Variants in LIN52 observed in about 807,000 individuals in gnomAD.
LIN52 encodes the protein lin-52 DREAM MuvB core complex component.
A neutral mutation model predicts 18.5 loss-of-function variants in LIN52; 4 were observed. The ratio of observed to expected loss-of-function variants is 0.22; its 90% CI spans 0.11 to 0.49. The LOEUF is 0.49. Ranked by LOEUF, LIN52 falls within the 20% of genes least tolerant of loss-of-function variation. LIN52 has a pLI of 0.97. For synonymous variants in LIN52, 34 were observed against 45.5 expected, an observed-to-expected ratio of 0.75 and a Z score of 1.02; for missense variants, 102 against 139.5, an observed-to-expected ratio of 0.73 and a Z score of 1.35.
rs181108760 is a variant in LIN52 at position 74,122,877 on chromosome 14, A to G, written c.283+21639A>G. ...AGTGAGACTCTGTCTCAAAAAAACA[A>G]AACAAACAAACAAAAACAAAAACAA... is the stretch of plus-strand genomic sequence containing the variant. On this transcript the variant is annotated intron_variant, in intron 5 of 5. Transcript: ENST00000555028. Among the ~76,000 whole-genome samples the G allele has an allele frequency of 7.0e-3, 987 of 140,210 alleles. 6 individuals are homozygous for G. Among genetic ancestry groups the G allele is most frequent in the South Asian group, 0.018 (64 of 3,494 alleles). 92.0% of individuals were successfully genotyped at this position (140,210 alleles called of 152,430 possible).
chr14:74,091,421 C>A, intron 2 of LIN52, 115 bp downstream of exon 2: 1 of 724,112 alleles, frequency 1.4e-6, no homozygotes, highest in Non-Finnish European at 2.2e-6. Context: ...TGAAGCTAGT[C>A]AAATTTAGCA....
intron 5 of LIN52, among the ~76,000 whole-genome samples, chr14:74,153,096 G>A (rs1217769575): frequency 2.0e-5 from 3 of 151,976 alleles, no homozygotes; most frequent in African/African-American, 2.4e-5. Flanking sequence ...ATCCTAGTGC[G>A]TGCAATTACT....
intron 1 of LIN52, 70 bp from the exon 2 acceptor site, chr14:74,091,162 T>G: frequency 1.8e-6 from 2 of 1,117,590 alleles, no homozygotes; most frequent in Non-Finnish European, 2.7e-6. Flanking sequence ...TTTATGTCCT[T>G]TGAGATTGAA....
chr14:74,112,569 G>A (rs971683744), intron 5 of LIN52, among the ~76,000 whole-genome samples: 3 of 151,964 alleles, frequency 2.0e-5, no homozygotes, highest in African/African-American at 7.3e-5. Context: ...GTTTTCATGT[G>A]GTATCAGGCA....
At chr14:74,128,948 C>G (rs1451512151) in intron 5 of LIN52, among the ~76,000 whole-genome samples, 1 of 151,534 alleles carries the variant, frequency 6.6e-6, no homozygotes, top group Non-Finnish European at 1.5e-5. Context: ...TCTAAAAAAA[C>G]AAAACAAAAC....
intron 5 of LIN52, among the ~76,000 whole-genome samples, chr14:74,145,305 A>G (rs1023876047): frequency 1.3e-5 from 2 of 152,100 alleles, no homozygotes; most frequent in South Asian, 2.1e-4. Flanking sequence ...CAGTTCTTCC[A>G]TATTACTTTT....
intron 5 of LIN52, among the ~76,000 whole-genome samples, chr14:74,184,504 A>G (rs1329931780): frequency 6.6e-6 from 1 of 152,256 alleles, no homozygotes; most frequent in Admixed American, 6.5e-5. Flanking sequence ...AGAATGCTTC[A>G]TAATGGTACT....
intron 5 of LIN52, among the ~76,000 whole-genome samples, chr14:74,188,848 T>C (rs534358292): frequency 5.3e-5 from 8 of 152,320 alleles, no homozygotes; most frequent in African/African-American, 1.9e-4. Context: ...CCAGTGGTTC[T>C]TATCTAAATT....
chr14:74,085,031 T>G, intron 1 of LIN52, 38 bp downstream of exon 1: 1 of 1,366,448 alleles, frequency 7.3e-7, no homozygotes, highest in East Asian at 2.8e-5. Flanking sequence ...TGCAGCCTCC[T>G]TCTTTGCTCT....
intron 5 of LIN52, among the ~76,000 whole-genome samples, chr14:74,101,914 A>G (rs1301507345): frequency 1.3e-5 from 2 of 152,142 alleles, no homozygotes; most frequent in Non-Finnish European, 2.9e-5. Context: ...CTGGGACTAC[A>G]AGCATGTACC....
chr14:74,128,320 G>A lies in LIN52; in HGVS notation c.283+27082G>A, dbSNP rs114935731. ...AGCAGAGTACCGGAGAGGAGAGGGC[G>A]GCACAGAGAAAGAAGAGAGATCCAC... On this transcript the variant is annotated intron_variant, in intron 5 of 5. Coordinates refer to ENST00000555028, the MANE Select transcript of LIN52 (RefSeq NM_001024674.3). Among the ~76,000 whole-genome samples the A allele has an allele frequency of 3.5e-3, 539 of 152,170 alleles. 4 individuals are homozygous for A. The highest frequency in any genetic ancestry group is 0.012 in the African/African-American group (508 of 41,508).
At chr14:74,095,884 T>G (rs940212993) in intron 2 of LIN52, 64 bp from the exon 3 acceptor site, 1 of 1,042,962 alleles carries the variant, frequency 9.6e-7, no homozygotes, top group Admixed American at 2.3e-5. Flanking sequence ...TTCTTATTAT[T>G]TGGATCTTCT....
At chr14:74,125,585 AC>A (rs2061024922) in intron 5 of LIN52, among the ~76,000 whole-genome samples, 1 of 152,090 alleles carries the variant, frequency 6.6e-6, no homozygotes, top group Non-Finnish European at 1.5e-5. Flanking sequence ...AGACACATTC[AC>A]ATGTATGTTT....
chr14:74,143,131 T>C (rs1400366891), intron 5 of LIN52, among the ~76,000 whole-genome samples: 1 of 152,082 alleles, frequency 6.6e-6, no homozygotes, highest in African/African-American at 2.4e-5. Context: ...AAATAGTTTA[T>C]AGTATAAATT....
At chr14:74,134,228 A>T (rs747354152) in intron 5 of LIN52, among the ~76,000 whole-genome samples, 1 of 152,202 alleles carries the variant, frequency 6.6e-6, no homozygotes, top group Non-Finnish European at 1.5e-5. Flanking sequence ...AGAGATAAAC[A>T]TGTCCATAAA....
intron 5 of LIN52, among the ~76,000 whole-genome samples, chr14:74,128,542 A>T (rs1450257504): frequency 1.3e-5 from 2 of 152,212 alleles, no homozygotes; most frequent in African/African-American, 4.8e-5. Context: ...ACTCAAAAGG[A>T]TCTTGCCTCT....
intron 1 of LIN52, among the ~76,000 whole-genome samples, chr14:74,087,818 A>T (rs2060744472): frequency 6.6e-6 from 1 of 152,222 alleles, no homozygotes; most frequent in African/African-American, 2.4e-5. Context: ...TACTTAATTT[A>T]TGAGAGTAAG....
intron 5 of LIN52, among the ~76,000 whole-genome samples, chr14:74,163,362 G>T (rs61547932): frequency 0.027 from 4,180 of 152,222 alleles, 173 homozygotes; most frequent in African/African-American, 0.089. Flanking sequence ...GGTTACAAGC[G>T]TGAGCCACTG....
At chr14:74,140,641 G>A (rs2061124862) in intron 5 of LIN52, among the ~76,000 whole-genome samples, 1 of 152,190 alleles carries the variant, frequency 6.6e-6, no homozygotes, top group South Asian at 2.1e-4. Flanking sequence ...GGGAAATCTG[G>A]GCCAGAGGTC....
Sources: allele counts gnomAD v4.1 joint callset (sites outside exome capture counted in the v4.1 genomes callset), GRCh38; gene constraint gnomAD v4.1.1; transcripts MANE v1.5; gene names NCBI Gene and HGNC (gene_info 2026-07-23, HGNC 2026-07-21).